The following DNM2 variants were observed in gnomAD, a reference collection of about 807,000 sequenced individuals.
DNM2 encodes the protein dynamin-2.
Under a neutral mutation model 99.0 loss-of-function variants are expected in DNM2, and 15 were observed. That is an observed-to-expected ratio of 0.15 (90% CI 0.10 to 0.23). The LOEUF (loss-of-function observed/expected upper bound fraction) is 0.23. Ranked by LOEUF, DNM2 falls within the 10% of genes least tolerant of loss-of-function variation. The pLI is 1.00. For synonymous variants in DNM2, 525 were observed against 481.2 expected (o/e 1.09, Z -1.19); for missense variants, 742 against 1,189.4 (o/e 0.62, Z 5.53).
chr19:10,783,237 T>A, intron 6 of DNM2, 117 bp downstream of exon 6: 2 of 1,467,878 alleles, frequency 1.4e-6, no homozygotes, highest in Non-Finnish European at 1.9e-6. Flanking sequence ...GCAAAATGGG[T>A]TCAGTCCACA....
At chr19:10,767,995 T>TGCG (rs2145892664) in intron 2 of DNM2, among the ~76,000 whole-genome samples, 1 of 152,320 alleles carries the variant, frequency 6.6e-6, no homozygotes, top group East Asian at 1.9e-4. Flanking sequence ...GGCAGGCAGC[T>TGCG]GCGGCAGACC....
intron 11 of DNM2, among the ~76,000 whole-genome samples, chr19:10,801,369 C>T (rs1439557478): frequency 6.7e-6 from 1 of 148,994 alleles, no homozygotes; most frequent in African/African-American, 2.5e-5. Flanking sequence ...CCTGTAATCC[C>T]AGCACTTTGG....
In DNM2 at chr19:10,829,128, G is replaced by A. The variant is rs543921898; in HGVS notation, c.2151G>A (p.Gln717=). The A allele has an allele frequency of 8.7e-6, 14 of 1,613,820 alleles. No homozygotes were observed. The Admixed American group carries it at 1.2e-4, about 13-fold the overall frequency. ...SLMEESADQA[Q]RRDDMLRMYH... is the part of the protein sequence containing the mutation. ...TGGAGGAGTCGGCTGACCAGGCACAGCGGCGGGACGACATGCTGCGCATGT... is the reference window on the plus strand; with the variant it reads ...TGGAGGAGTCGGCTGACCAGGCACAACGGCGGGACGACATGCTGCGCATGT... Residue 717 remains glutamine (Q), a synonymous_variant, in exon 19 of 21, where the codon CAG becomes CAA. Transcript: ENST00000389253.
chr19:10,718,127 C>T lies in DNM2; in HGVS notation c.-116C>T, dbSNP rs966672075. 1.1e-4 allele frequency: 132 copies of T among 1,172,068 alleles called. No individual in the cohort carries two copies. In the East Asian group the frequency reaches 4.2e-3, roughly 37 times the overall value. The allele number at this position is 1,172,068 out of a possible 1,614,324, so 72.6% of individuals were successfully genotyped here. A position where few individuals can be genotyped will look rare whatever the true frequency, so the allele number is the denominator to read the frequency against. On this transcript the variant is annotated 5_prime_UTR_variant, in exon 1 of 21. Coordinates refer to ENST00000389253, the MANE Select transcript of DNM2 (RefSeq NM_001005361.3). ...GTGAGGCCGAGCCGGGAGCGGGCGT[C>T]TTGCCGAGGCCCGGGCGGGCGGGGA... is the stretch of plus-strand genomic sequence containing the variant.
At position 10,793,706 on chromosome 19, in the gene DNM2, C is replaced by T. The variant is rs761380478; in HGVS notation, c.993-14C>T. The stretch of plus-strand genomic sequence containing the variant: ...ACCTCCGTTTTGATGCTTGCTTTTT[C>T]CTTTTCCTCATAGGATGGTCCAGCA... On this transcript the variant is annotated splice_polypyrimidine_tract_variant and intron_variant, in intron 7 of 20. Coordinates refer to ENST00000389253, the MANE Select transcript of DNM2 (RefSeq NM_001005361.3). The T allele has an allele frequency of 2.5e-5, 41 of 1,614,002 alleles. No individual in the cohort carries two copies. The Admixed American group carries it at 4.3e-4, about 17-fold the overall frequency.
At chr19:10,733,348 T>A (rs942290451) in intron 1 of DNM2, among the ~76,000 whole-genome samples, 9 of 151,304 alleles carry the variant, frequency 5.9e-5, no homozygotes, top group Non-Finnish European at 8.8e-5. Context: ...CGCACCACAA[T>A]GGCCGGCATT....
intron 7 of DNM2, among the ~76,000 whole-genome samples, chr19:10,791,092 A>G (rs925746746): frequency 6.0e-5 from 9 of 150,220 alleles, no homozygotes; most frequent in Admixed American, 1.3e-4. Context: ...TATTTATTTT[A>G]TTTTATTCTT....
At chr19:10,734,096 T>C (rs1037717999) in intron 1 of DNM2, among the ~76,000 whole-genome samples, 1 of 152,012 alleles carries the variant, frequency 6.6e-6, no homozygotes, top group Non-Finnish European at 1.5e-5. Context: ...TGGCTCACAC[T>C]GTAATCTCAG....
intron 1 of DNM2, among the ~76,000 whole-genome samples, chr19:10,750,659 G>A (rs958959899): frequency 2.6e-5 from 4 of 152,024 alleles, no homozygotes; most frequent in Admixed American, 2.0e-4. Context: ...GGCCGGGCGC[G>A]GTGGCTCATG....
chr19:10,748,068 A>G (rs570654016), intron 1 of DNM2, among the ~76,000 whole-genome samples: 1 of 152,294 alleles, frequency 6.6e-6, no homozygotes, highest in South Asian at 2.1e-4. Context: ...GAGGACAGGA[A>G]GGTGACAGGA....
Position 10,795,905 on chromosome 19 carries a change from C to T in DNM2, c.1196+466C>T. ...ATCGCCGTGGGGTCCTCGGGTCACC[C>T]TGAGGGTTTCCGGGCAGTGGACTCA... On this transcript the variant is annotated intron_variant, in intron 9 of 20. Coordinates refer to ENST00000389253, the MANE Select transcript of DNM2 (RefSeq NM_001005361.3). The surrounding 1 kb of genome is among the most constrained non-coding windows in gnomAD (Gnocchi z 4.2). 1 of 1,293,640 alleles carries T rather than the reference C, an allele frequency of 7.7e-7. No individual in the cohort carries two copies. The highest frequency in any genetic ancestry group is 1.1e-6 in the Non-Finnish European group (1 of 905,030). The allele number at this position is 1,293,640 out of a possible 1,614,324, so 80.1% of individuals were successfully genotyped here.
At chr19:10,747,618 C>T (rs2070036422) in intron 1 of DNM2, among the ~76,000 whole-genome samples, 1 of 152,128 alleles carries the variant, frequency 6.6e-6, no homozygotes, top group Admixed American at 6.6e-5. Context: ...AGATTTGGCC[C>T]ATTGTTCTGC....
chr19:10,788,851 C>T (rs2071653760), intron 7 of DNM2, among the ~76,000 whole-genome samples: 1 of 152,216 alleles, frequency 6.6e-6, no homozygotes, highest in Non-Finnish European at 1.5e-5. Flanking sequence ...TGAGGCACTT[C>T]CCACAGGGAC....
rs540691472 is a variant in DNM2 at position 10,812,511 on chromosome 19, G to C, written c.1671+134G>C. The stretch of plus-strand genomic sequence containing the variant: ...GTCACCATTAGGACTGTAACTCGCC[G>C]GGCACGGTGGCTCCCGCCTGTAATC... On this transcript the variant is annotated intron_variant, in intron 15 of 20. Transcript: ENST00000389253. This position sits in a 1 kb window ranked among gnomAD's most constrained non-coding sequence, Gnocchi z 4.0. 1.0e-5 allele frequency: 7 copies of C among 670,894 alleles called. No homozygotes were observed. Among genetic ancestry groups the C allele is most frequent in the South Asian group, 1.7e-5 (1 of 59,434 alleles). 41.6% of individuals were successfully genotyped at this position (670,894 alleles called of 1,614,324 possible).
chr19:10,828,894 C>CATGG, intron 18 of DNM2, 142 bp from the exon 19 acceptor site: 1 of 847,108 alleles, frequency 1.2e-6, no homozygotes, highest in Non-Finnish European at 1.9e-6. Flanking sequence ...CACTGTACTC[C>CATGG]AGCCTGGGTG....
At chr19:10,782,195 G>A (rs1038234697) in intron 5 of DNM2, among the ~76,000 whole-genome samples, 7 of 151,760 alleles carry the variant, frequency 4.6e-5, no homozygotes, top group African/African-American at 1.5e-4. Flanking sequence ...ACCACGCCTC[G>A]CTAATTTTTG....
At chr19:10,754,052 A>G (rs953048012) in intron 1 of DNM2, among the ~76,000 whole-genome samples, 2 of 152,136 alleles carry the variant, frequency 1.3e-5, no homozygotes. Context: ...TTTATATTTA[A>G]CTAGTCCCCT....
At chr19:10,757,943 CAAAAAAAAA>C (rs762600168) in intron 1 of DNM2, among the ~76,000 whole-genome samples, 7 of 65,420 alleles carry the variant, frequency 1.1e-4, no homozygotes, top group Admixed American at 8.3e-4. Flanking sequence ...AGCTCTGTCT[CAAAAAAAAA>C]AAAAAAAAAA....
intron 1 of DNM2, among the ~76,000 whole-genome samples, chr19:10,729,586 C>T (rs916572401): frequency 1.3e-5 from 2 of 152,164 alleles, no homozygotes; most frequent in South Asian, 2.1e-4. Flanking sequence ...CCCTGCGGAC[C>T]GGAAAGGACC....
Sources: gnomAD v4.1 joint callset for allele counts (sites outside exome capture counted in the v4.1 genomes callset) on GRCh38, gnomAD v4.1.1 for gene constraint, Gnocchi (gnomAD v3.1) non-coding constraint, MANE v1.5 for transcripts, NCBI Gene and HGNC (gene_info 2026-07-23, HGNC 2026-07-21) for gene names.